SMCO2: variants seen among roughly 807,000 people sequenced by gnomAD.
The protein encoded by SMCO2 is single-pass membrane protein with coiled-coil domains 2, also known as single-pass membrane and coiled-coil domain-containing protein 2.
A neutral mutation model predicts 29.5 loss-of-function variants in SMCO2; 25 were observed. The observed-to-expected ratio is 0.85, with a 90% CI of 0.62 to 1.18. SMCO2 has a LOEUF of 1.18. Ranked by LOEUF, SMCO2 falls within the 50% of genes most tolerant of loss-of-function variation. SMCO2 has a pLI of 0.00. For synonymous variants in SMCO2, 117 were observed against 123.3 expected (o/e 0.95, Z 0.34); for missense variants, 348 against 344.5 (o/e 1.01, Z -0.08).
At chr12:27,442,375 A>T in the SMCO2 span, among the ~76,000 whole-genome samples, 1 of 152,206 alleles carries the variant, frequency 6.6e-6, no homozygotes, top group Non-Finnish European at 1.5e-5. Flanking sequence ...GGACATAGAA[A>T]CTGAGACCTC....
At chr12:27,499,723 T>C (rs1255004765) in intron 7 of SMCO2, among the ~76,000 whole-genome samples, 1 of 150,890 alleles carries the variant, frequency 6.6e-6, no homozygotes, top group Non-Finnish European at 1.5e-5. Context: ...GATTACATTC[T>C]AATTAAGATT....
At chr12:27,491,233 T>A (rs879920170) in intron 5 of SMCO2, among the ~76,000 whole-genome samples, 4 of 152,182 alleles carry the variant, frequency 2.6e-5, no homozygotes, top group Non-Finnish European at 5.9e-5. Flanking sequence ...AATTATTTTT[T>A]AAAAAAGCAA....
chr12:27,431,684 A>G, the SMCO2 span, among the ~76,000 whole-genome samples: 1 of 152,200 alleles, frequency 6.6e-6, no homozygotes, highest in African/African-American at 2.4e-5. Context: ...CCTCTTAGCT[A>G]TTATGAATAA....
chr12:27,463,746 A>G (rs1221201578), upstream of SMCO2, among the ~76,000 whole-genome samples: 2 of 152,216 alleles, frequency 1.3e-5, no homozygotes, highest in East Asian at 3.8e-4. Context: ...AAACAAACCA[A>G]CAAAACCTTG....
At chr12:27,433,955 G>T in the SMCO2 span, among the ~76,000 whole-genome samples, 4 of 152,270 alleles carry the variant, frequency 2.6e-5, no homozygotes, top group South Asian at 8.3e-4. Context: ...ACCCAGGCTG[G>T]AGTGCGGTGG....
chr12:27,430,951 AC>A, the SMCO2 span, among the ~76,000 whole-genome samples: 1 of 152,070 alleles, frequency 6.6e-6, no homozygotes, highest in Admixed American at 6.5e-5. Flanking sequence ...GGGGACCCTA[AC>A]CCCCTGAACT....
intron 4 of SMCO2, among the ~76,000 whole-genome samples, chr12:27,476,931 C>G (rs995562827): frequency 3.3e-5 from 5 of 151,810 alleles, no homozygotes; most frequent in African/African-American, 1.2e-4. Flanking sequence ...TTATTTCTTT[C>G]TCTCTTATTG....
chr12:27,470,643 G>A (rs373506540), exon 2 of SMCO2: 19 of 1,550,778 alleles, frequency 1.2e-5, no homozygotes, highest in African/African-American at 1.1e-4. Flanking sequence ...TGGCTCTCAC[G>A]CCCACAAACC....
At chr12:27,490,506 G>A (rs411037) in intron 5 of SMCO2, among the ~76,000 whole-genome samples, 18,614 of 152,114 alleles carry the variant, frequency 0.12, 2,184 homozygotes, top group African/African-American at 0.29. Context: ...GAGTTTTACT[G>A]TATGTAAATT....
chr12:27,485,141 T>TCTAA (rs150385892), intron 4 of SMCO2, among the ~76,000 whole-genome samples: 18,548 of 151,352 alleles, frequency 0.12, 2,177 homozygotes, highest in African/African-American at 0.29. Flanking sequence ...TTTTTTTTTC[T>TCTAA]CTCTTTTCTT....
the SMCO2 span, among the ~76,000 whole-genome samples, chr12:27,429,478 CAA>C: frequency 1.1e-3 from 158 of 147,016 alleles, no homozygotes; most frequent in Admixed American, 9.5e-4. Context: ...CATAAAATTA[CAA>C]AAAAAAAAAA....
At chr12:27,430,362 A>G in the SMCO2 span, among the ~76,000 whole-genome samples, 1 of 152,230 alleles carries the variant, frequency 6.6e-6, no homozygotes, top group Non-Finnish European at 1.5e-5. Context: ...ACTATAAAAT[A>G]TAGTTCTATA....
the SMCO2 span, among the ~76,000 whole-genome samples, chr12:27,454,159 A>T: frequency 6.6e-6 from 1 of 151,918 alleles, no homozygotes; most frequent in African/African-American, 2.4e-5. Context: ...TTATTTTTAA[A>T]TTTTTTGTAG....
chr12:27,501,152 C>G (rs1592222671), intron 7 of SMCO2, among the ~76,000 whole-genome samples: 1 of 150,248 alleles, frequency 6.7e-6, no homozygotes, highest in Non-Finnish European at 1.5e-5. Flanking sequence ...CGCGGTGGCT[C>G]ACGCCTGTAA....
chr12:27,494,257 A>AATATAAGTTTC, intron 5 of SMCO2, 43 bp from the exon 7 acceptor site: 1 of 1,284,452 alleles, frequency 7.8e-7, no homozygotes, highest in African/African-American at 1.6e-5. Flanking sequence ...AAACCAGAAA[A>AATATAAGTTTC]ATATAAGTTT....
chr12:27,461,633 G>A, the SMCO2 span, among the ~76,000 whole-genome samples: 31 of 152,342 alleles, frequency 2.0e-4, no homozygotes, highest in Non-Finnish European at 4.3e-4. Context: ...ATATAAATGT[G>A]TCTTCCACCA....
chr12:27,472,846 G>A (rs535258341), exon 3 of SMCO2: 22 of 1,550,564 alleles, frequency 1.4e-5, no homozygotes, highest in African/African-American at 8.2e-5. Context: ...CATTTCCTCC[G>A]AAAACCCTCA....
At chr12:27,458,958 C>T in the SMCO2 span, among the ~76,000 whole-genome samples, 2 of 150,252 alleles carry the variant, frequency 1.3e-5, no homozygotes, top group African/African-American at 2.5e-5. Context: ...AAGGCCGAGG[C>T]GGGCAGATCA....
the SMCO2 span, among the ~76,000 whole-genome samples, chr12:27,428,298 A>G: frequency 2.0e-5 from 3 of 152,204 alleles, no homozygotes; most frequent in Non-Finnish European, 2.9e-5. Flanking sequence ...AATCCCTCCC[A>G]AAGTTAATTC....
Sources: allele counts gnomAD v4.1 joint callset (sites outside exome capture counted in the v4.1 genomes callset), GRCh38; gene constraint gnomAD v4.1.1; transcripts MANE v1.5; gene names NCBI Gene and HGNC (gene_info 2026-07-23, HGNC 2026-07-21).